The following FSIP2 variants were observed in gnomAD, a reference collection of about 807,000 sequenced individuals.
FSIP2 encodes fibrous sheath-interacting protein 2.
FSIP2 carries 367 observed loss-of-function variants against 510.5 expected under a neutral mutation model. That is an observed-to-expected ratio of 0.72 (90% CI 0.66 to 0.78). FSIP2 has a LOEUF of 0.78. Among genes scored for constraint, FSIP2 ranks in the 30% least tolerant of loss-of-function variants. The pLI is 0.00. For synonymous variants in FSIP2, 2,601 were observed against 2,732.2 expected (o/e 0.95, Z 1.50); for missense variants, 7,594 against 7,901.7 (o/e 0.96, Z 1.48).
At chr2:185,760,943 T>TAAAA in intron 9 of FSIP2, 45 bp from the exon 10 acceptor site, 13 of 620,490 alleles carry the variant, frequency 2.1e-5, no homozygotes, top group South Asian at 5.3e-5. Context: ...CTAAAGCTGT[T>TAAAA]AAAAAAAAAA....
chr2:185,762,038 CATA>C, intron 11 of FSIP2, 21 bp downstream of exon 11: 1 of 1,232,384 alleles, frequency 8.1e-7, no homozygotes, highest in Non-Finnish European at 1.1e-6. Flanking sequence ...AAACAATAGT[CATA>C]ATTTTTCTGT....
At position 185,796,994 on chromosome 2, in the gene FSIP2, G is replaced by A. The variant is rs1356951019; in HGVS notation, c.9858G>A (p.Lys3286=). ...GTGACTCCACAGAAGCAGCATTAAA[G>A]CAAGTCTTGTCATTCATAGAAATGG... ...KASDSTEAAL[K]QVLSFIEMGK... Residue 3286 remains lysine, a synonymous_variant, in exon 16 of 23, where the codon AAG becomes AAA. Transcript: ENST00000424728. 1.3e-6 allele frequency: 2 copies of A among 1,535,134 alleles called. No individual in the cohort carries two copies. The highest frequency in any genetic ancestry group is 4.9e-5 in the East Asian group (2 of 40,840).
chr2:185,766,463 A>G (rs1692483410), intron 13 of FSIP2: 1 of 148,862 alleles, frequency 6.7e-6, no homozygotes, highest in African/African-American at 2.5e-5. Flanking sequence ...ACTCAAACAA[A>G]TTTACAAGAA....
chr2:185,807,701 G>C lies in FSIP2; in HGVS notation c.18395G>C (p.Ser6132Thr). ...LREVASNQLQ[S>T]YFCGELTPHQ... ...GAAGTGGCTAGCAATCAGCTGCAGA[G>C]CTATTTTTGTGGAGAGCTAACTCCA... Residue 6132 changes from serine (S) to threonine (T), a missense_variant, in exon 17 of 23, where the codon AGC (serine) becomes ACC (threonine). By Grantham distance (58) the Ser-to-Thr change is moderately conservative (BLOSUM62 1). Transcript: ENST00000424728. 1 of 1,612,842 alleles carries C rather than the reference G, an allele frequency of 6.2e-7. No homozygotes were observed. The highest frequency in any genetic ancestry group is 8.5e-7 in the Non-Finnish European group (1 of 1,179,252).
intron 13 of FSIP2, among the ~76,000 whole-genome samples, chr2:185,777,843 C>T (rs1393582001): frequency 1.3e-5 from 2 of 152,082 alleles, no homozygotes; most frequent in Admixed American, 6.5e-5. Context: ...ATACAGTTTT[C>T]GTGTCAAGAT....
chr2:185,807,055 G>C lies in FSIP2; in HGVS notation c.17749G>C (p.Val5917Leu). Residue 5917 changes from valine to leucine, a missense_variant, in exon 17 of 23, where the codon GTT (valine) becomes CTT (leucine). Coordinates refer to ENST00000424728, the MANE Select transcript of FSIP2 (RefSeq NM_173651.4). Reference sequence around the variant, plus strand: ...TGACAAAACATTGGTCAATAAAGTTGTTCACTCCTCTGTTTGTAATATTTT... The same window carrying C: ...TGACAAAACATTGGTCAATAAAGTTCTTCACTCCTCTGTTTGTAATATTTT... Reference protein sequence around the residue: ...SIDKTLVNKVVHSSVCNILND... With the variant: ...SIDKTLVNKVLHSSVCNILND... The C allele has an allele frequency of 6.3e-7, 1 of 1,592,500 alleles. No homozygotes were observed. The highest frequency in any genetic ancestry group is 1.4e-5 in the African/African-American group (1 of 73,720).
chr2:185,814,763 A>C (rs1191796842), intron 18 of FSIP2, among the ~76,000 whole-genome samples: 1 of 152,012 alleles, frequency 6.6e-6, no homozygotes, highest in East Asian at 1.9e-4. Flanking sequence ...TTTAGAATTA[A>C]TTTTAATTAT....
rs186109835 is a variant in FSIP2 at position 185,802,012 on chromosome 2, G to A, written c.12706G>A (p.Val4236Ile). Residue 4236 changes from valine (V) to isoleucine (I), a missense_variant, in exon 17 of 23, where the codon GTA becomes ATA. Val to Ile is a conservative substitution (Grantham distance 29). Coordinates refer to ENST00000424728, the MANE Select transcript of FSIP2 (RefSeq NM_173651.4). ...TCTTGTTTCAATACAAAAAAGTATAGTAAGCCGAAGCCCAATTATGATTGA... is the reference window on the plus strand; with the variant it reads ...TCTTGTTTCAATACAAAAAAGTATAATAAGCCGAAGCCCAATTATGATTGA... ...DSLVSIQKSI[V>I]SRSPIMIDQI... 9.8e-6 allele frequency: 15 copies of A among 1,527,236 alleles called. No individual in the cohort carries two copies. Among genetic ancestry groups the A allele is most frequent in the African/African-American group, 1.4e-5 (1 of 72,518 alleles). 94.6% of individuals were successfully genotyped at this position (1,527,236 alleles called of 1,614,324 possible). A position where few individuals can be genotyped will look rare whatever the true frequency, so the allele number is the denominator to read the frequency against.
At chr2:185,750,165 C>T (rs1041786656) in intron 7 of FSIP2, among the ~76,000 whole-genome samples, 3 of 151,452 alleles carry the variant, frequency 2.0e-5, no homozygotes, top group Non-Finnish European at 4.4e-5. Flanking sequence ...GTAATGCTGG[C>T]CTTATACCAT....
At chr2:185,785,725 A>G (rs1692957194) in intron 14 of FSIP2, among the ~76,000 whole-genome samples, 1 of 152,020 alleles carries the variant, frequency 6.6e-6, no homozygotes, top group African/African-American at 2.4e-5. Context: ...GGTATTAAAT[A>G]TAGCTAGAAA....
intron 13 of FSIP2, among the ~76,000 whole-genome samples, chr2:185,775,788 C>T (rs1574170437): frequency 2.0e-5 from 3 of 152,068 alleles, no homozygotes; most frequent in South Asian, 2.1e-4. Context: ...CTCAGCCTCC[C>T]GAGTAGCTGA....
chr2:185,799,709 A>G lies in FSIP2; in HGVS notation c.10403A>G (p.Glu3468Gly). 7.5e-7 allele frequency: 1 copy of G among 1,327,098 alleles called. No homozygotes were observed. The highest frequency in any genetic ancestry group is 9.9e-7 in the Non-Finnish European group (1 of 1,005,600). The allele number at this position is 1,327,098 out of a possible 1,614,324, so 82.2% of individuals were successfully genotyped here. A position where few individuals can be genotyped will look rare whatever the true frequency, so the allele number is the denominator to read the frequency against. Reference protein sequence around the residue: ...KNFETTVFSEEKMSVSTWSRK... With the variant: ...KNFETTVFSEGKMSVSTWSRK... ...TTCCTTTTTTAAGTTTTTAGTGAGG[A>G]AAAGATGTCTGTTTCTACATGGTCA... Residue 3468 changes from glutamate (E) to glycine (G), a missense_variant, in exon 17 of 23, where the codon GAA becomes GGA. By Grantham distance (98) the Glu-to-Gly change is moderately conservative. Coordinates refer to ENST00000424728, the MANE Select transcript of FSIP2 (RefSeq NM_173651.4).
chr2:185,833,030 G>A (rs1694135415), intron 22 of FSIP2, 60 bp from the exon 23 acceptor site: 1 of 1,494,926 alleles, frequency 6.7e-7, no homozygotes, highest in Non-Finnish European at 9.3e-7. Flanking sequence ...CTTAGGCAAG[G>A]TATTTTACCT....
chr2:185,806,626 C>T lies in FSIP2; in HGVS notation c.17320C>T (p.Gln5774Ter), dbSNP rs374937631. ...EPSKPDDPQNQRESKPGIFPA... is the reference protein window; with the variant it reads ...EPSKPDDPQN Reference sequence around the variant, plus strand: ...CAGTAAACCAGATGATCCTCAAAACCAACGAGAAAGTAAACCTGGAATTTT... The same window carrying T: ...CAGTAAACCAGATGATCCTCAAAACTAACGAGAAAGTAAACCTGGAATTTT... Residue 5774 changes from glutamine (Q) to a stop codon, truncating the protein, a stop_gained, in exon 17 of 23, where the codon CAA becomes TAA. Coordinates refer to ENST00000424728, the MANE Select transcript of FSIP2 (RefSeq NM_173651.4). LOFTEE classifies it high-confidence loss of function. The T allele has an allele frequency of 1.2e-6, 2 of 1,607,670 alleles. No individual in the cohort carries two copies. The highest frequency in any genetic ancestry group is 2.7e-5 in the African/African-American group (2 of 74,266).
chr2:185,767,293 A>G (rs1692507786), intron 13 of FSIP2, among the ~76,000 whole-genome samples: 1 of 151,244 alleles, frequency 6.6e-6, no homozygotes, highest in South Asian at 2.1e-4. Context: ...CAATGTGCAC[A>G]TGTACCCTAA....
chr2:185,814,117 G>T, intron 18 of FSIP2, 75 bp downstream of exon 18: 1 of 1,384,306 alleles, frequency 7.2e-7, no homozygotes. Flanking sequence ...AATGTACCTT[G>T]ATTAGTCAGA....
At position 185,790,414 on chromosome 2, in the gene FSIP2, C is replaced by T. The variant is rs1559025780; in HGVS notation, c.3278C>T (p.Thr1093Ile). 3.3e-6 allele frequency: 5 copies of T among 1,530,050 alleles called. No homozygotes were observed. The highest frequency in any genetic ancestry group is 4.4e-6 in the Non-Finnish European group (5 of 1,144,582). The allele number at this position is 1,530,050 out of a possible 1,614,324, so 94.8% of individuals were successfully genotyped here. ...CTTTCTTCGAATAAAGACATTTCAA[C>T]TTTCAGCCAAGATCAAAAGCATCAA... is the stretch of plus-strand genomic sequence containing the variant. ...KKLSSNKDISTFSQDQKHQIE... is the reference protein window; with the variant it reads ...KKLSSNKDISIFSQDQKHQIE... The change falls in exon 16 of 23, where the codon ACT becomes ATT. Residue 1093 changes from threonine (T) to isoleucine (I), a missense_variant. Transcript: ENST00000424728.
In FSIP2 at chr2:185,743,135, T is replaced by G; in HGVS notation, c.228T>G (p.Leu76=). The change falls in exon 3 of 23, where the codon CTT becomes CTG. Residue 76 remains leucine, a splice_region_variant and synonymous_variant. Transcript: ENST00000424728. ...VFYTTNFGEK[L]FRPSYGFNLT... Reference sequence around the variant, plus strand: ...TATTTTTGAATCTGTGTTTGCAGCTTTTTCGACCTTCTTATGGTTTTAACC... The same window carrying G: ...TATTTTTGAATCTGTGTTTGCAGCTGTTTCGACCTTCTTATGGTTTTAACC... 1 of 1,468,438 alleles carries G rather than the reference T, an allele frequency of 6.8e-7. No individual in the cohort carries two copies. Among genetic ancestry groups the G allele is most frequent in the South Asian group, 1.4e-5 (1 of 72,690 alleles). 91.0% of individuals were successfully genotyped at this position (1,468,438 alleles called of 1,614,324 possible). A position where few individuals can be genotyped will look rare whatever the true frequency, so the allele number is the denominator to read the frequency against.
Position 185,799,733 on chromosome 2 carries a change from C to A in FSIP2, c.10427C>A (p.Ser3476Ter). The change falls in exon 17 of 23, where the codon TCA becomes TAA. Residue 3476 changes from serine (S) to a stop codon, truncating the protein, a stop_gained. Coordinates refer to ENST00000424728, the MANE Select transcript of FSIP2 (RefSeq NM_173651.4). LOFTEE classifies it high-confidence loss of function. Reference protein sequence around the residue: ...SEEKMSVSTWSRKKYESKQFL... With the variant: ...SEEKMSVSTW Reference sequence around the variant, plus strand: ...GAAAAGATGTCTGTTTCTACATGGTCAAGGAAAAAATATGAATCAAAACAG... The same window carrying A: ...GAAAAGATGTCTGTTTCTACATGGTAAAGGAAAAAATATGAATCAAAACAG... The A allele has an allele frequency of 6.9e-7, 1 of 1,450,356 alleles. No homozygotes were observed. The highest frequency in any genetic ancestry group is 1.4e-5 in the South Asian group (1 of 71,890). 89.8% of individuals were successfully genotyped at this position (1,450,356 alleles called of 1,614,324 possible). A position where few individuals can be genotyped will look rare whatever the true frequency, so the allele number is the denominator to read the frequency against.
Sources: allele counts gnomAD v4.1 joint callset (sites outside exome capture counted in the v4.1 genomes callset), GRCh38; gene constraint gnomAD v4.1.1; transcripts MANE v1.5; gene names NCBI Gene and HGNC (gene_info 2026-07-23, HGNC 2026-07-21).